The following ANOS1 variants were observed in gnomAD, a reference collection of about 807,000 sequenced individuals.
ANOS1 encodes anosmin-1.
In ANOS1, 6 loss-of-function variants were observed where a neutral mutation model predicts 59.0. That is an observed-to-expected ratio of 0.10 (90% CI 0.06 to 0.20). The LOEUF (loss-of-function observed/expected upper bound fraction) is 0.20. Among genes scored for constraint, ANOS1 ranks in the 10% least tolerant of loss-of-function variants. ANOS1 has a pLI of 1.00. For synonymous variants in ANOS1, 217 were observed against 223.4 expected (o/e 0.97, Z 0.25); for missense variants, 433 against 542.3 (o/e 0.80, Z 2.00).
At chrX:8,722,371 G>A (rs978365991) in intron 1 of ANOS1, among the ~76,000 whole-genome samples, 6 of 110,307 alleles carry the variant, frequency 5.4e-5, no homozygotes, top group Admixed American at 9.7e-5. Context: ...CCTTTCCCCC[G>A]GAGTCCCCAA....
At position 8,545,203 on chromosome X, in the gene ANOS1, T is replaced by A. The variant is rs1369026079; in HGVS notation, c.1355-5445A>T. On this transcript the variant is annotated intron_variant, in intron 9 of 13. Coordinates refer to ENST00000262648, the MANE Select transcript of ANOS1 (RefSeq NM_000216.4). The stretch of plus-strand genomic sequence containing the variant: ...AGGAGTTTGAAGTTGCAGTGAGCCA[T>A]GATCATGCCACTGCACTCCAGCCTG... Among the ~76,000 whole-genome samples the A allele has an allele frequency of 3.1e-5, 3 of 96,746 alleles. No individual in the cohort carries two copies. In the Admixed American group the frequency reaches 3.6e-4, roughly 12 times the overall value. 84.0% of individuals were successfully genotyped at this position (96,746 alleles called of 115,157 possible).
At chrX:8,635,267 T>C (rs1313014650) in intron 2 of ANOS1, among the ~76,000 whole-genome samples, 2 of 111,641 alleles carry the variant, frequency 1.8e-5, no homozygotes, top group East Asian at 5.6e-4. Context: ...ACAACGAAGA[T>C]AGGAGATGGA....
intron 3 of ANOS1, among the ~76,000 whole-genome samples, chrX:8,612,549 A>C (rs894156571): frequency 2.4e-4 from 18 of 76,224 alleles, no homozygotes; most frequent in Admixed American, 1.1e-3. Flanking sequence ...ATAAAACAAG[A>C]AGTTTTTTTT....
intron 2 of ANOS1, among the ~76,000 whole-genome samples, chrX:8,666,545 G>T (rs1932140713): frequency 9.0e-6 from 1 of 111,701 alleles, no homozygotes; most frequent in Admixed American, 9.6e-5. Flanking sequence ...AAGTTTTCCC[G>T]TTGTAACTTT....
chrX:8,595,325 C>G (rs1930713671), intron 4 of ANOS1, among the ~76,000 whole-genome samples: 1 of 110,922 alleles, frequency 9.0e-6, no homozygotes, highest in African/African-American at 3.3e-5. Flanking sequence ...AGAGGCATGA[C>G]CACAATAAAA....
intron 2 of ANOS1, among the ~76,000 whole-genome samples, chrX:8,669,655 T>A (rs1309043448): frequency 3.6e-5 from 4 of 111,815 alleles, no homozygotes; most frequent in Admixed American, 9.5e-5. Flanking sequence ...CTTATATACA[T>A]GATTAATAAT....
intron 3 of ANOS1, among the ~76,000 whole-genome samples, chrX:8,614,684 T>G (rs1247254874): frequency 7.2e-5 from 8 of 110,447 alleles, no homozygotes; most frequent in African/African-American, 2.0e-4. Context: ...AATTTAGTGC[T>G]TTTGCAATTT....
intron 2 of ANOS1, among the ~76,000 whole-genome samples, chrX:8,692,921 TG>T (rs896801507): frequency 8.9e-6 from 1 of 112,424 alleles, no homozygotes; most frequent in African/African-American, 3.2e-5. Flanking sequence ...TAGTCTATCT[TG>T]TGTTAAAAGG....
At chrX:8,603,104 C>T (rs138873548) in intron 3 of ANOS1, among the ~76,000 whole-genome samples, 1,143 of 111,721 alleles carry the variant, frequency 0.01, 22 homozygotes, top group African/African-American at 0.035. Context: ...GGTCACTATG[C>T]CCATTAATTT....
chrX:8,569,414 G>A (rs1930180483), intron 7 of ANOS1, among the ~76,000 whole-genome samples: 1 of 112,463 alleles, frequency 8.9e-6, no homozygotes, highest in African/African-American at 3.2e-5. Context: ...AGGCCAAGGT[G>A]GGCGGATCAC....
intron 8 of ANOS1, among the ~76,000 whole-genome samples, chrX:8,559,465 T>C (rs757190225): frequency 1.8e-5 from 2 of 111,979 alleles, no homozygotes; most frequent in African/African-American, 6.5e-5. Context: ...GATAGAGATA[T>C]GCTACTATAA....
intron 2 of ANOS1, among the ~76,000 whole-genome samples, chrX:8,654,501 G>A (rs1224272759): frequency 8.9e-6 from 1 of 112,158 alleles, no homozygotes; most frequent in Non-Finnish European, 1.9e-5. Flanking sequence ...CTTTTTACAA[G>A]CACAGATTTT....
intron 2 of ANOS1, among the ~76,000 whole-genome samples, chrX:8,664,847 C>G (rs2146875134): frequency 8.9e-6 from 1 of 111,818 alleles, no homozygotes; most frequent in Admixed American, 9.5e-5. Context: ...CTTCTGCATT[C>G]TTTCTCTAGC....
intron 5 of ANOS1, among the ~76,000 whole-genome samples, chrX:8,586,360 T>C (rs1930509530): frequency 8.9e-6 from 1 of 112,476 alleles, no homozygotes; most frequent in African/African-American, 3.2e-5. Flanking sequence ...ATATGAACTC[T>C]TACATGTGGC....
chrX:8,606,286 A>G (rs1930942058), intron 3 of ANOS1, among the ~76,000 whole-genome samples: 1 of 111,858 alleles, frequency 8.9e-6, no homozygotes, highest in Non-Finnish European at 1.9e-5. Context: ...AAAATTAATC[A>G]TTTTTCTATG....
chrX:8,599,861 A>G (rs1277291216), intron 3 of ANOS1, among the ~76,000 whole-genome samples: 1 of 112,035 alleles, frequency 8.9e-6, no homozygotes, highest in Non-Finnish European at 1.9e-5. Context: ...TAAAACAAAC[A>G]AACAAACAAA....
rs866358219 is a variant in ANOS1, at chrX:8,665,210, G to A, written c.255+34488C>T. Among the ~76,000 whole-genome samples, 4 of 112,188 alleles carry A rather than the reference G, an allele frequency of 3.6e-5. No homozygotes were observed. The South Asian group carries it at 1.5e-3, about 42-fold the overall frequency. ...CTGGATATCAAAACAAATAATGGTG[G>A]GAATGGATTCCAACCCATTTCAATA... is the stretch of plus-strand genomic sequence containing the variant. On this transcript the variant is annotated intron_variant, in intron 2 of 13. Coordinates refer to ENST00000262648, the MANE Select transcript of ANOS1 (RefSeq NM_000216.4).
rs1427500201 is a variant in ANOS1, at chrX:8,585,305, C to G, written c.818G>C (p.Gly273Ala). Residue 273 changes from glycine (G) to alanine (A), a missense_variant, in exon 6 of 14, where the codon GGC becomes GCC. Physicochemically the swap from Gly to Ala is moderately conservative, Grantham distance 60. Coordinates refer to ENST00000262648, the MANE Select transcript of ANOS1 (RefSeq NM_000216.4). ...GAAGTGTTTGCTGGGGGCAGTGAAG[C>G]CTCGAGTTCCATGCACATTCACAGC... ...VAAVNVHGTR[G>A]FTAPSKHFRS... 1 of 1,208,560 alleles carries G rather than the reference C, an allele frequency of 8.3e-7. No homozygotes were observed. Among genetic ancestry groups the G allele is most frequent in the African/African-American group, 1.8e-5 (1 of 57,114 alleles).
At chrX:8,722,958 GA>G (rs968245594) in intron 1 of ANOS1, among the ~76,000 whole-genome samples, 2 of 112,087 alleles carry the variant, frequency 1.8e-5, no homozygotes, top group Admixed American at 1.9e-4. Flanking sequence ...ATAAAGTGTG[GA>G]AAGGACACCC....
Sources: allele counts gnomAD v4.1 joint callset (sites outside exome capture counted in the v4.1 genomes callset), GRCh38; gene constraint gnomAD v4.1.1; transcripts MANE v1.5; gene names NCBI Gene and HGNC (gene_info 2026-07-23, HGNC 2026-07-21).